ZNF160: variants seen among roughly 807,000 people sequenced by gnomAD.
ZNF160 encodes KRAB zinc finger protein KR18.
In ZNF160, 9 loss-of-function variants were observed where a neutral mutation model predicts 13.1. That is an observed-to-expected ratio of 0.69 (90% CI 0.41 to 1.20). ZNF160 has a LOEUF of 1.20. Among genes scored for constraint, ZNF160 ranks in the 50% most tolerant of loss-of-function variants. ZNF160 has a pLI of 0.01. For missense variants in ZNF160, 838 were observed against 988.0 expected, an observed-to-expected ratio of 0.85 and a Z score of 2.04; for synonymous variants, 293 against 333.2, an observed-to-expected ratio of 0.88 and a Z score of 1.31.
chr19:53,080,852 G>T (rs2084604401), intron 3 of ZNF160, among the ~76,000 whole-genome samples: 1 of 152,090 alleles, frequency 6.6e-6, no homozygotes, highest in African/African-American at 2.4e-5. Context: ...AAAACAGCAT[G>T]GTACTGGTAT....
intron 1 of ZNF160, among the ~76,000 whole-genome samples, chr19:53,100,588 C>T (rs764871204): frequency 2.4e-4 from 37 of 151,212 alleles, no homozygotes; most frequent in African/African-American, 8.3e-4. Context: ...CCAGCCTGGG[C>T]GACAGAGCGA....
intron 2 of ZNF160, among the ~76,000 whole-genome samples, chr19:53,088,233 C>A (rs139860301): frequency 6.6e-6 from 1 of 152,218 alleles, no homozygotes; most frequent in East Asian, 1.9e-4. Context: ...GTGCTACATG[C>A]TACCGACAGG....
At chr19:53,100,496 A>G (rs895699349) in intron 1 of ZNF160, among the ~76,000 whole-genome samples, 8 of 152,006 alleles carry the variant, frequency 5.3e-5, no homozygotes, top group Admixed American at 1.3e-4. Flanking sequence ...TGTAGTCCCA[A>G]CTACTTGGGA....
At chr19:53,073,111 A>C (rs2084242347) in intron 5 of ZNF160, 1 of 1,145,728 alleles carries the variant, frequency 8.7e-7, no homozygotes, top group Non-Finnish European at 1.2e-6. Flanking sequence ...TCACCCAGTG[A>C]CCAACATCTC....
At chr19:53,101,349 T>C (rs557676016) in intron 1 of ZNF160, among the ~76,000 whole-genome samples, 7 of 151,890 alleles carry the variant, frequency 4.6e-5, no homozygotes, top group Admixed American at 1.3e-4. Context: ...TTCCAATATA[T>C]GATAAAGAGT....
In ZNF160 at chr19:53,068,664, G is replaced by C; in HGVS notation, c.1870C>G (p.His624Asp). The C allele has an allele frequency of 1.9e-6, 3 of 1,612,378 alleles. No individual in the cohort carries two copies. Among genetic ancestry groups the C allele is most frequent in the Non-Finnish European group, 2.5e-6 (3 of 1,179,524 alleles). Residue 624 changes from histidine (H) to aspartate (D), a missense_variant, in exon 6 of 6, where the codon CAT becomes GAT. His to Asp is a moderately conservative substitution (Grantham distance 81). Coordinates refer to ENST00000683776, the MANE Select transcript of ZNF160 (RefSeq NM_001322131.2). ...TGCCTAAAAACCTTGCCGCATTCAT[G>C]ACATTTGTAAGGTTTCTCTCCAGTA... ...IHTGEKPYKCHECGKVFRHNS... is the reference protein window; with the variant it reads ...IHTGEKPYKCDECGKVFRHNS...
chr19:53,075,088 C>T lies in ZNF160; in HGVS notation c.111G>A (p.Met37Ile). The T allele has an allele frequency of 1.2e-6, 2 of 1,614,198 alleles. No individual in the cohort carries two copies. Among genetic ancestry groups the T allele is most frequent in the Non-Finnish European group, 8.5e-7 (1 of 1,180,026 alleles). ...AAACAAGGTTCCAGTAGTTCTCCAA[C>T]ATCACGTCCCTGTATAAGATCCTCT... is the stretch of plus-strand genomic sequence containing the variant. ...PAQRILYRDV[M>I]LENYWNLVSL... is the part of the protein sequence containing the mutation. The change falls in exon 4 of 6, where the codon ATG becomes ATA. Residue 37 changes from methionine (M) to isoleucine (I), a missense_variant. Coordinates refer to ENST00000683776, the MANE Select transcript of ZNF160 (RefSeq NM_001322131.2).
chr19:53,080,916 C>A (rs532145696), intron 3 of ZNF160, among the ~76,000 whole-genome samples: 1 of 152,050 alleles, frequency 6.6e-6, no homozygotes, highest in East Asian at 1.9e-4. Context: ...AAATAAAGGC[C>A]CACACCTCCA....
At chr19:53,091,232 C>T (rs117104600) in intron 2 of ZNF160, 181 bp downstream of exon 2, 13,584 of 152,322 alleles carry the variant, frequency 0.089, 773 homozygotes, top group South Asian at 0.15. Context: ...TGGTACACAC[C>T]GGTGGTCCCA....
chr19:53,085,851 T>C, intron 3 of ZNF160: 1 of 518,546 alleles, frequency 1.9e-6, no homozygotes, highest in Non-Finnish European at 3.4e-6. Flanking sequence ...CAGGAAAGCT[T>C]TCCCCTTAGT....
chr19:53,086,409 T>C (rs911356434), intron 2 of ZNF160, 88 bp from the exon 3 acceptor site: 1 of 1,179,602 alleles, frequency 8.5e-7, no homozygotes, highest in Non-Finnish European at 1.2e-6. Context: ...ATCCCCTTCA[T>C]GTGCCACAGT....
intron 3 of ZNF160, among the ~76,000 whole-genome samples, chr19:53,083,559 C>T (rs1390664900): frequency 6.6e-6 from 1 of 152,142 alleles, no homozygotes; most frequent in African/African-American, 2.4e-5. Flanking sequence ...ATTATTTTTA[C>T]AGTAGAATAA....
chr19:53,090,077 A>C (rs1600889940), intron 2 of ZNF160, among the ~76,000 whole-genome samples: 2 of 124,110 alleles, frequency 1.6e-5, no homozygotes, highest in African/African-American at 3.1e-5. Context: ...TCCCTGTTAC[A>C]CCCCTTGTCC....
chr19:53,088,178 G>T (rs192728844), intron 2 of ZNF160, among the ~76,000 whole-genome samples: 1 of 152,092 alleles, frequency 6.6e-6, no homozygotes, highest in Non-Finnish European at 1.5e-5. Context: ...AAAGGTTAAC[G>T]GGGTGTCATA....
At position 53,068,241 on chromosome 19, in the gene ZNF160, C is replaced by T; in HGVS notation, c.2293G>A (p.Glu765Lys). The T allele has an allele frequency of 6.2e-7, 1 of 1,614,158 alleles. No individual in the cohort carries two copies. The highest frequency in any genetic ancestry group is 8.5e-7 in the Non-Finnish European group (1 of 1,180,004). Residue 765 changes from glutamate (E) to lysine (K), a missense_variant, in exon 6 of 6, where the codon GAG becomes AAG. Glu to Lys is a moderately conservative substitution (Grantham distance 56). Around this residue, in one of 3 missense-constraint regions of ZNF160, gnomAD observed 400 missense variants for 538.9 expected, o/e 0.74. Transcript: ENST00000683776. ...CTTACCCTAAAGGCTTTCCCACACT[C>T]TGTACACCTGTAAGGTTTCTCCCCA... ...HTGEKPYRCT[E>K]CGKAFRVRSS...
chr19:53,092,518 T>C (rs1284145141), intron 1 of ZNF160, among the ~76,000 whole-genome samples: 1 of 152,204 alleles, frequency 6.6e-6, no homozygotes, highest in African/African-American at 2.4e-5. Context: ...TTCACCACAT[T>C]GGCCAGGGTG....
intron 1 of ZNF160, among the ~76,000 whole-genome samples, chr19:53,098,076 A>G (rs2085302593): frequency 1.3e-5 from 2 of 152,150 alleles, no homozygotes; most frequent in South Asian, 4.1e-4. Flanking sequence ...CTGTGTCAGC[A>G]TCTGTTTCCC....
Position 53,073,116 on chromosome 19 carries a change from C to T in ZNF160, c.271+1024G>A, listed in dbSNP as rs142198019. On this transcript the variant is annotated intron_variant, in intron 5 of 5. Coordinates refer to ENST00000683776, the MANE Select transcript of ZNF160 (RefSeq NM_001322131.2). The stretch of plus-strand genomic sequence containing the variant: ...CCTAATGTTTTCACCCAGTGACCAA[C>T]ATCTCCCTATTCCCTCCAGTCCCCA... The T allele has an allele frequency of 8.1e-5, 96 of 1,183,084 alleles. No homozygotes were observed. The African/African-American group carries it at 1.5e-3, about 18-fold the overall frequency. The allele number at this position is 1,183,084 out of a possible 1,614,324, so 73.3% of individuals were successfully genotyped here.
At position 53,069,457 on chromosome 19, in the gene ZNF160, A is replaced by G; in HGVS notation, c.1077T>C (p.His359=). Residue 359 remains histidine, a synonymous_variant, in exon 6 of 6, where the codon CAT becomes CAC. Coordinates refer to ENST00000683776, the MANE Select transcript of ZNF160 (RefSeq NM_001322131.2). The surrounding 1 kb of genome is among the most constrained non-coding windows in gnomAD (Gnocchi z 4.4). ...AFRGHSNLTT[H]QLIHTGEKPF... is the part of the protein sequence containing the mutation. ...GTTTTTCTCCAGTATGAATTAACTG[A>G]TGGGTAGTTAGGTTTGAATGTCCTC... 6.2e-7 allele frequency: 1 copy of G among 1,613,720 alleles called. No individual in the cohort carries two copies. The highest frequency in any genetic ancestry group is 8.5e-7 in the Non-Finnish European group (1 of 1,179,968).
Sources: allele counts gnomAD v4.1 joint callset (sites outside exome capture counted in the v4.1 genomes callset), GRCh38; gene constraint gnomAD v4.1.1; regional missense constraint gnomAD v4.1.1; non-coding constraint Gnocchi (gnomAD v3.1); transcripts MANE v1.5; gene names NCBI Gene and HGNC (gene_info 2026-07-23, HGNC 2026-07-21).